The following PCMT1 variants were observed in gnomAD, a reference collection of about 807,000 sequenced individuals.
The protein encoded by PCMT1 is protein-L-isoaspartate(D-aspartate) O-methyltransferase.
PCMT1 carries 9 observed loss-of-function variants against 29.2 expected under a neutral mutation model. The ratio of observed to expected loss-of-function variants is 0.31; its 90% confidence interval spans 0.19 to 0.54. The LOEUF is 0.54. Among genes scored for constraint, PCMT1 ranks in the 20% least tolerant of loss-of-function variants. The pLI, the probability that PCMT1 is intolerant of heterozygous loss-of-function variation, is 0.95. For synonymous variants in PCMT1, 98 were observed against 97.5 expected (o/e 1.00, Z -0.03); for missense variants, 184 against 282.2 (o/e 0.65, Z 2.49).
At chr6:149,802,015 G>C (rs1378548268) in intron 6 of PCMT1, among the ~76,000 whole-genome samples, 185 bp from the exon 7 acceptor site, 1 of 152,072 alleles carries the variant, frequency 6.6e-6, no homozygotes, top group Non-Finnish European at 1.5e-5. Context: ...TGTAGTCCCA[G>C]CTACTTGGGA....
chr6:149,782,118 TTAA>T (rs1417753089), intron 3 of PCMT1, among the ~76,000 whole-genome samples: 1 of 152,196 alleles, frequency 6.6e-6, no homozygotes, highest in Non-Finnish European at 1.5e-5. Flanking sequence ...TCTATGACTG[TTAA>T]TAAGGAAAAC....
rs114087202 is a variant in PCMT1, at chr6:149,756,836, A to T, written c.55+6880A>T. 1.5e-3 allele frequency among the ~76,000 whole-genome samples: 232 copies of T among 151,686 alleles called. 1 individual carries two copies. The highest frequency in any genetic ancestry group is 5.3e-3 in the African/African-American group (218 of 41,470). On this transcript the variant is annotated intron_variant, in intron 1 of 7. Transcript: ENST00000464889. Reference sequence around the variant, plus strand: ...TAAGTAAACTTGAAATCCTATGTATATATTTAAATTTAAATTATATAAAAA... The same window carrying T: ...TAAGTAAACTTGAAATCCTATGTATTTATTTAAATTTAAATTATATAAAAA...
chr6:149,807,647 AG>A (rs1776052574), intron 7 of PCMT1, among the ~76,000 whole-genome samples: 1 of 152,234 alleles, frequency 6.6e-6, no homozygotes, highest in South Asian at 2.1e-4. Context: ...CTGGAATTAC[AG>A]GTGTGAGCCA....
intron 6 of PCMT1, chr6:149,796,794 T>C (rs534056874): frequency 7.9e-6 from 2 of 252,660 alleles, no homozygotes; most frequent in South Asian, 1.4e-4. Context: ...CAGGTTTTTT[T>C]TGTTTGTTTG....
chr6:149,809,537 G>A (rs2342857), intron 7 of PCMT1, among the ~76,000 whole-genome samples: 81,047 of 151,864 alleles, frequency 0.53, 24,830 homozygotes, highest in East Asian at 0.83. Flanking sequence ...TTGGAGAAAT[G>A]ATTTTAAAAA....
intron 4 of PCMT1, among the ~76,000 whole-genome samples, 197 bp from the exon 5 acceptor site, chr6:149,793,352 A>G (rs1407497507): frequency 6.6e-6 from 1 of 152,172 alleles, no homozygotes; most frequent in Non-Finnish European, 1.5e-5. Context: ...GTTTTATTCA[A>G]TGAGAGTGAT....
At chr6:149,777,856 C>A (rs1787637788) in intron 3 of PCMT1, among the ~76,000 whole-genome samples, 1 of 145,638 alleles carries the variant, frequency 6.9e-6, no homozygotes, top group East Asian at 2.0e-4. Context: ...TTCCTTCCTT[C>A]CTTCTTTCCT....
chr6:149,753,829 C>T (rs912462422), intron 1 of PCMT1, among the ~76,000 whole-genome samples: 2 of 152,086 alleles, frequency 1.3e-5, no homozygotes, highest in African/African-American at 4.8e-5. Context: ...TATATTATAA[C>T]CACTCTTAAG....
intron 1 of PCMT1, among the ~76,000 whole-genome samples, chr6:149,757,666 C>T (rs1233535331): frequency 2.6e-5 from 4 of 152,120 alleles, no homozygotes; most frequent in Admixed American, 2.6e-4. Context: ...ACAAAGCTAT[C>T]CTAACAATCA....
At chr6:149,755,515 G>A (rs1379998474) in intron 1 of PCMT1, among the ~76,000 whole-genome samples, 3 of 152,046 alleles carry the variant, frequency 2.0e-5, no homozygotes, top group Non-Finnish European at 2.9e-5. Context: ...GTCTTGGACC[G>A]TATTTCCTGT....
chr6:149,765,060 T>TA (rs1026379858), intron 1 of PCMT1, among the ~76,000 whole-genome samples: 7 of 142,702 alleles, frequency 4.9e-5, no homozygotes, highest in East Asian at 2.1e-4. Context: ...TAAATAAATA[T>TA]AAAAAATAAA....
chr6:149,751,970 T>C (rs1233299921), intron 1 of PCMT1, among the ~76,000 whole-genome samples: 2 of 151,070 alleles, frequency 1.3e-5, no homozygotes, highest in African/African-American at 4.9e-5. Flanking sequence ...CTTTCTGTGC[T>C]CAAGCGATTT....
At chr6:149,790,558 C>T (rs1481041446) in intron 4 of PCMT1, among the ~76,000 whole-genome samples, 6 of 141,506 alleles carry the variant, frequency 4.2e-5, no homozygotes, top group Non-Finnish European at 7.6e-5. Context: ...GGTTTTATTG[C>T]ATTTGGTCCA....
chr6:149,789,931 AAT>A, intron 3 of PCMT1, 21 bp from the exon 4 acceptor site: 1 of 1,509,262 alleles, frequency 6.6e-7, no homozygotes, highest in Non-Finnish European at 9.1e-7. Context: ...AGTCTTAATG[AAT>A]ATTTTGTTTT....
At position 149,796,509 on chromosome 6, in the gene PCMT1, G is replaced by C. The variant is rs761799298; in HGVS notation, c.504+9G>C. 1 of 1,601,924 alleles carries C rather than the reference G, an allele frequency of 6.2e-7. No homozygotes were observed. The highest frequency in any genetic ancestry group is 1.7e-5 in the Admixed American group (1 of 58,482). On this transcript the variant is annotated intron_variant, in intron 6 of 7. Coordinates refer to ENST00000464889, the MANE Select transcript of PCMT1 (RefSeq NM_001360452.2). ...CTGTTGTACCCCAGGCGGTGAGTCG[G>C]GATTTTTTCTGTTTGTGTGTTTTTA...
chr6:149,789,420 G>A lies in PCMT1; in HGVS notation c.193-534G>A, dbSNP rs191432881. 1.8e-3 allele frequency among the ~76,000 whole-genome samples: 276 copies of A among 152,120 alleles called. 1 individual carries two copies. The highest frequency in any genetic ancestry group is 5.2e-3 in the African/African-American group (214 of 41,530). On this transcript the variant is annotated intron_variant, in intron 3 of 7. Coordinates refer to ENST00000464889, the MANE Select transcript of PCMT1 (RefSeq NM_001360452.2). The stretch of plus-strand genomic sequence containing the variant: ...AATGAGAATACTGGCTGGGTGTGGT[G>A]GCTTATGTATGTCATCCCAGCACTT...
chr6:149,755,779 T>C (rs1177608467), intron 1 of PCMT1, among the ~76,000 whole-genome samples: 1 of 152,196 alleles, frequency 6.6e-6, no homozygotes, highest in Non-Finnish European at 1.5e-5. Flanking sequence ...CACTCCCTCT[T>C]GTAGCTTCTA....
intron 4 of PCMT1, among the ~76,000 whole-genome samples, chr6:149,793,317 GAT>G (rs1177402787): frequency 1.3e-5 from 2 of 152,022 alleles, no homozygotes; most frequent in East Asian, 1.9e-4. Context: ...ATCTAAGAAA[GAT>G]ATAATTTTTC....
chr6:149,764,151 A>G (rs889988227), intron 1 of PCMT1, among the ~76,000 whole-genome samples: 7 of 152,226 alleles, frequency 4.6e-5, no homozygotes, highest in Non-Finnish European at 8.8e-5. Flanking sequence ...TTATTTTGGG[A>G]AATGAATTAG....
Sources: gnomAD v4.1 joint callset for allele counts (sites outside exome capture counted in the v4.1 genomes callset) on GRCh38, gnomAD v4.1.1 for gene constraint, MANE v1.5 for transcripts, NCBI Gene and HGNC (gene_info 2026-07-23, HGNC 2026-07-21) for gene names.